The following PCDH9 variants were observed in gnomAD, a reference collection of about 807,000 sequenced individuals.
PCDH9 encodes protocadherin 9.
In PCDH9, 24 loss-of-function variants were observed where a neutral mutation model predicts 70.6. That is an observed-to-expected ratio of 0.34 (90% CI 0.25 to 0.48). The LOEUF (loss-of-function observed/expected upper bound fraction) is 0.48. Among genes scored for constraint, PCDH9 ranks in the 20% least tolerant of loss-of-function variants. The pLI, the probability that PCDH9 is intolerant of heterozygous loss-of-function variation, is 0.99. For synonymous variants in PCDH9, 562 were observed against 558.5 expected (o/e 1.01, Z -0.09); for missense variants, 1,281 against 1,503.6 (o/e 0.85, Z 2.45).
intron 3 of PCDH9, among the ~76,000 whole-genome samples, chr13:66,695,345 T>G (rs1405061033): frequency 1.3e-5 from 2 of 152,224 alleles, no homozygotes; most frequent in African/African-American, 2.4e-5. Context: ...CAGTAACACC[T>G]TTAATGAAAA....
At chr13:66,312,362 T>C (rs537975360) in intron 4 of PCDH9, among the ~76,000 whole-genome samples, 5 of 152,302 alleles carry the variant, frequency 3.3e-5, no homozygotes, top group African/African-American at 1.2e-4. Context: ...ATTGTTCAGA[T>C]AGATTAGGCT....
intron 4 of PCDH9, among the ~76,000 whole-genome samples, chr13:66,388,960 T>G (rs1956974953): frequency 6.6e-6 from 1 of 152,184 alleles, no homozygotes; most frequent in Non-Finnish European, 1.5e-5. Flanking sequence ...TTGTCTTAAA[T>G]TATTTCAAAA....
At chr13:66,344,840 T>A (rs1956188512) in intron 4 of PCDH9, among the ~76,000 whole-genome samples, 1 of 152,170 alleles carries the variant, frequency 6.6e-6, no homozygotes, top group African/African-American at 2.4e-5. Flanking sequence ...CATGCACGTC[T>A]CCAGAGAAGA....
intron 4 of PCDH9, among the ~76,000 whole-genome samples, chr13:66,577,876 G>A (rs966827960): frequency 6.6e-6 from 1 of 152,022 alleles, no homozygotes; most frequent in South Asian, 2.1e-4. Context: ...ACACATAACT[G>A]TAAGCTCAGC....
intron 4 of PCDH9, among the ~76,000 whole-genome samples, chr13:66,535,043 C>G (rs1395838189): frequency 6.6e-6 from 1 of 151,864 alleles, no homozygotes; most frequent in Admixed American, 6.6e-5. Flanking sequence ...TCCTTTGATC[C>G]AAATCTGCTT....
chr13:66,795,952 C>T (rs925062017), intron 3 of PCDH9, among the ~76,000 whole-genome samples: 2 of 152,182 alleles, frequency 1.3e-5, no homozygotes, highest in South Asian at 4.1e-4. Context: ...GAAGCAGTAA[C>T]TGCTGCCCAG....
chr13:66,799,259 T>C (rs971202119), intron 3 of PCDH9, among the ~76,000 whole-genome samples: 16 of 152,154 alleles, frequency 1.1e-4, no homozygotes, highest in African/African-American at 2.7e-4. Context: ...GGAGATAGTC[T>C]ATGCGGTCAA....
chr13:66,390,720 G>T (rs112965430), intron 4 of PCDH9, among the ~76,000 whole-genome samples: 60 of 139,888 alleles, frequency 4.3e-4, no homozygotes, highest in African/African-American at 1.4e-3. Context: ...TGGTGACAGA[G>T]ATGGAGTCAT....
intron 2 of PCDH9, among the ~76,000 whole-genome samples, chr13:67,135,890 A>G (rs1430174526): frequency 6.6e-6 from 1 of 151,978 alleles, no homozygotes; most frequent in Non-Finnish European, 1.5e-5. Flanking sequence ...ATTCTTTGCT[A>G]CCTTCATTTA....
intron 3 of PCDH9, among the ~76,000 whole-genome samples, chr13:66,661,415 A>G (rs2078006619): frequency 6.6e-6 from 1 of 151,820 alleles, no homozygotes; most frequent in Non-Finnish European, 1.5e-5. Flanking sequence ...GTGAATGAGA[A>G]CTCTGACTGG....
rs115469047 is a variant in PCDH9 at position 67,080,470 on chromosome 13, A to T, written c.3036+144935T>A. ...CAAAATTTTCAAAAATACTATTGTG[A>T]TGGATACATTCTACAATAGCAACAT... On this transcript the variant is annotated intron_variant, in intron 2 of 4. Transcript: ENST00000377865. Among the ~76,000 whole-genome samples, 1,140 of 152,310 alleles carry T rather than the reference A, an allele frequency of 7.5e-3. 17 individuals carry two copies. Among genetic ancestry groups the T allele is most frequent in the African/African-American group, 0.025 (1,059 of 41,562 alleles).
chr13:66,743,495 A>C (rs894672781), intron 3 of PCDH9, among the ~76,000 whole-genome samples: 1 of 52,146 alleles, frequency 1.9e-5, no homozygotes, highest in South Asian at 8.5e-4. Context: ...AAAGTATAAT[A>C]AAAAAAAAAA....
At chr13:67,164,253 T>C (rs578012018) in intron 2 of PCDH9, among the ~76,000 whole-genome samples, 1 of 152,166 alleles carries the variant, frequency 6.6e-6, no homozygotes, top group African/African-American at 2.4e-5. Context: ...ATATCTACTA[T>C]AGGAAAATTC....
At chr13:67,028,651 C>G (rs2084841307) in intron 2 of PCDH9, among the ~76,000 whole-genome samples, 1 of 152,028 alleles carries the variant, frequency 6.6e-6, no homozygotes, top group African/African-American at 2.4e-5. Context: ...TTAGTTAACC[C>G]AAGGCTGTAT....
intron 4 of PCDH9, among the ~76,000 whole-genome samples, chr13:66,492,186 G>T (rs575421416): frequency 6.6e-6 from 1 of 152,006 alleles, no homozygotes; most frequent in Admixed American, 6.6e-5. Context: ...ATTTATAGTT[G>T]TTGTGATTTG....
chr13:66,934,802 G>A (rs1331428072), intron 2 of PCDH9, among the ~76,000 whole-genome samples: 3 of 113,408 alleles, frequency 2.6e-5, no homozygotes, highest in Admixed American at 1.3e-4. Context: ...CTCACTGCAA[G>A]CTCCGCCTCC....
At chr13:66,527,846 C>T (rs569032396) in intron 4 of PCDH9, among the ~76,000 whole-genome samples, 39 of 152,110 alleles carry the variant, frequency 2.6e-4, no homozygotes, top group African/African-American at 7.0e-4. Flanking sequence ...GGCAAAATCC[C>T]GTCTCTACTA....
intron 4 of PCDH9, among the ~76,000 whole-genome samples, chr13:66,576,713 G>T (rs1028282820): frequency 9.9e-5 from 15 of 152,054 alleles, no homozygotes; most frequent in Middle Eastern, 3.4e-3. Flanking sequence ...CAATTATTTT[G>T]CCACAATCTC....
At chr13:66,549,792 G>A (rs1375423323) in intron 4 of PCDH9, among the ~76,000 whole-genome samples, 1 of 152,066 alleles carries the variant, frequency 6.6e-6, no homozygotes, top group African/African-American at 2.4e-5. Flanking sequence ...GGCCAATGCT[G>A]GAGGATTGCT....
Sources: allele counts gnomAD v4.1 joint callset (sites outside exome capture counted in the v4.1 genomes callset), GRCh38; gene constraint gnomAD v4.1.1; transcripts MANE v1.5; gene names NCBI Gene and HGNC (gene_info 2026-07-23, HGNC 2026-07-21).